ANO2: variants seen among roughly 807,000 people sequenced by gnomAD.
ANO2 encodes the protein anoctamin-2.
A neutral mutation model predicts 124.2 loss-of-function variants in ANO2; 101 were observed. That is an observed-to-expected ratio of 0.81 (90% CI 0.69 to 0.96). The LOEUF (loss-of-function observed/expected upper bound fraction) is 0.96, where lower values mean the gene tolerates loss of function less well. Among genes scored for constraint, ANO2 ranks in the 40% least tolerant of loss-of-function variants. ANO2 has a pLI of 0.00. For missense variants in ANO2, 1,293 were observed against 1,274.5 expected, an observed-to-expected ratio of 1.01 and a Z score of -0.22; for synonymous variants, 486 against 482.5, an observed-to-expected ratio of 1.01 and a Z score of -0.09.
At chr12:5,814,369 C>T (rs1305006227) in intron 7 of ANO2, among the ~76,000 whole-genome samples, 1 of 152,226 alleles carries the variant, frequency 6.6e-6, no homozygotes, top group Non-Finnish European at 1.5e-5. Context: ...GGAATTGCCA[C>T]CACCATGTCT....
intron 21 of ANO2, 86 bp from the exon 22 acceptor site, chr12:5,578,093 G>A (rs967679131): frequency 4.0e-6 from 6 of 1,488,644 alleles, no homozygotes; most frequent in South Asian, 1.2e-5. Context: ...ATGTTTTGCA[G>A]GTGAACTACG....
chr12:5,801,157 G>C (rs1184469460), intron 9 of ANO2, among the ~76,000 whole-genome samples: 1 of 152,230 alleles, frequency 6.6e-6, no homozygotes, highest in Non-Finnish European at 1.5e-5. Flanking sequence ...TGATCACCTT[G>C]ACAAGAGTGG....
chr12:5,930,803 C>T (rs1325690230), intron 1 of ANO2, among the ~76,000 whole-genome samples: 2 of 152,302 alleles, frequency 1.3e-5, no homozygotes, highest in East Asian at 3.9e-4. Context: ...AACAGCACTT[C>T]CCTCAGTCTC....
intron 20 of ANO2, among the ~76,000 whole-genome samples, chr12:5,582,204 C>T (rs1420258983): frequency 6.6e-6 from 1 of 152,202 alleles, no homozygotes; most frequent in East Asian, 1.9e-4. Flanking sequence ...ACAGATTAAG[C>T]CTGGCCAAGC....
At chr12:5,849,368 T>C (rs1313352026) in intron 4 of ANO2, among the ~76,000 whole-genome samples, 1 of 152,230 alleles carries the variant, frequency 6.6e-6, no homozygotes, top group Admixed American at 6.5e-5. Flanking sequence ...GGAGTGTTCA[T>C]TCATATATAC....
chr12:5,862,279 C>T lies in ANO2; in HGVS notation c.535-8138G>A, dbSNP rs1485415251. Among the ~76,000 whole-genome samples, 1 of 152,214 alleles carries T rather than the reference C, an allele frequency of 6.6e-6. No individual in the cohort carries two copies. Among genetic ancestry groups the T allele is most frequent in the East Asian group, 1.9e-4 (1 of 5,184 alleles). On this transcript the variant is annotated intron_variant, in intron 3 of 24. Transcript: ENST00000682330. The surrounding 1 kb of genome is among the most constrained non-coding windows in gnomAD (Gnocchi z 4.0). ...GGCAGAAGACAGAGCCAAATGCCCA[C>T]CAAGCCCCATCCCAGAGACCCACTA...
At chr12:5,783,724 T>C (rs1009281661) in intron 10 of ANO2, among the ~76,000 whole-genome samples, 8 of 152,236 alleles carry the variant, frequency 5.3e-5, no homozygotes, top group African/African-American at 1.9e-4. Context: ...TAATTAGCTA[T>C]GTGGTCCTGG....
intron 11 of ANO2, among the ~76,000 whole-genome samples, chr12:5,747,482 A>C (rs1370697212): frequency 2.6e-5 from 4 of 152,224 alleles, no homozygotes; most frequent in Admixed American, 1.3e-4. Context: ...TCTGTTTTTA[A>C]AGAAATCTAT....
At chr12:5,727,660 C>T (rs554982127) in intron 14 of ANO2, among the ~76,000 whole-genome samples, 4 of 118,236 alleles carry the variant, frequency 3.4e-5, no homozygotes, top group South Asian at 2.8e-4. Context: ...TTTTTTGAGA[C>T]GGAGTCTCAC....
At chr12:5,617,479 C>T (rs143381661) in intron 16 of ANO2, among the ~76,000 whole-genome samples, 2,799 of 148,860 alleles carry the variant, frequency 0.019, 46 homozygotes, top group African/African-American at 0.063. Flanking sequence ...CTCCAGATTA[C>T]GTCGTACCGC....
chr12:5,814,982 C>T (rs11063875), intron 7 of ANO2, among the ~76,000 whole-genome samples: 46,598 of 151,986 alleles, frequency 0.31, 7,485 homozygotes, highest in Middle Eastern at 0.38. Context: ...AGATAATGAG[C>T]GTTAAGGTGT....
rs545719528 is a variant in ANO2 at position 5,895,854 on chromosome 12, C to T, written c.534+25186G>A. Among the ~76,000 whole-genome samples, 12 of 152,054 alleles carry T rather than the reference C, an allele frequency of 7.9e-5. No individual in the cohort carries two copies. The East Asian group carries it at 2.3e-3, about 29-fold the overall frequency. On this transcript the variant is annotated intron_variant, in intron 3 of 24. Transcript: ENST00000682330. ...ACGCATGCATATGTTTACAGCAGCACAATTCACAACTGCAAAGATGGAGCC... is the reference window on the plus strand; with the variant it reads ...ACGCATGCATATGTTTACAGCAGCATAATTCACAACTGCAAAGATGGAGCC...
At chr12:5,582,933 G>A (rs1036837694) in intron 20 of ANO2, among the ~76,000 whole-genome samples, 2 of 152,106 alleles carry the variant, frequency 1.3e-5, no homozygotes, top group African/African-American at 4.8e-5. Flanking sequence ...GGAACTCGGT[G>A]CCTTGGGCAT....
Position 5,578,496 on chromosome 12 carries a change from G to T in ANO2, c.2256C>A (p.Thr752=). The T allele has an allele frequency of 6.2e-7, 1 of 1,613,710 alleles. No homozygotes were observed. The highest frequency in any genetic ancestry group is 1.3e-5 in the African/African-American group (1 of 75,036). ...CCAGGGGAAAGGAGGCCACGAAGAG[G>T]GTGACAAAACCAAACTGGATGACTG... ...MEMIIQFGFV[T]LFVASFPLAP... Residue 752 remains threonine (T), a synonymous_variant, in exon 21 of 25, where the codon ACC becomes ACA. Coordinates refer to ENST00000682330, the MANE Select transcript of ANO2 (RefSeq NM_001364791.2).
chr12:5,827,842 G>A (rs750632008), intron 6 of ANO2, 22 bp from the exon 7 acceptor site: 13 of 1,604,748 alleles, frequency 8.1e-6, no homozygotes, highest in African/African-American at 6.7e-5. Context: ...CGACAGCAGA[G>A]CTGTGAGCTC....
chr12:5,927,143 C>T (rs946512419), intron 1 of ANO2, among the ~76,000 whole-genome samples: 1 of 152,222 alleles, frequency 6.6e-6, no homozygotes, highest in East Asian at 1.9e-4. Flanking sequence ...CCTGCCACTT[C>T]CTCCTGGAAG....
chr12:5,852,518 G>A (rs1488890488), intron 4 of ANO2, among the ~76,000 whole-genome samples: 1 of 152,168 alleles, frequency 6.6e-6, no homozygotes, highest in African/African-American at 2.4e-5. Flanking sequence ...AGAACCCATA[G>A]ACTTTATTCT....
intron 14 of ANO2, among the ~76,000 whole-genome samples, chr12:5,669,358 T>C (rs982997154): frequency 3.9e-5 from 6 of 152,150 alleles, no homozygotes; most frequent in Admixed American, 3.9e-4. Flanking sequence ...TGTTGGTGTA[T>C]AGGAATGTTT....
intron 1 of ANO2, among the ~76,000 whole-genome samples, chr12:5,928,038 G>C (rs74907135): frequency 2.0e-5 from 3 of 152,318 alleles, no homozygotes; most frequent in Non-Finnish European, 4.4e-5. Context: ...GACAGGGCCA[G>C]ATTGTGCAGA....
Sources: gnomAD v4.1 joint callset for allele counts (sites outside exome capture counted in the v4.1 genomes callset) on GRCh38, gnomAD v4.1.1 for gene constraint, Gnocchi (gnomAD v3.1) non-coding constraint, MANE v1.5 for transcripts, NCBI Gene and HGNC (gene_info 2026-07-23, HGNC 2026-07-21) for gene names.